The following SLC17A8 variants were observed in gnomAD, a reference collection of about 807,000 sequenced individuals.
SLC17A8 encodes the protein vesicular glutamate transporter 3.
In SLC17A8, 31 loss-of-function variants were observed where a neutral mutation model predicts 58.0. That is an observed-to-expected ratio of 0.53 (90% confidence interval 0.40 to 0.72). The LOEUF (loss-of-function observed/expected upper bound fraction) is 0.72. SLC17A8 is among the 30% of genes least tolerant of loss of function. The pLI is 0.00. For synonymous variants in SLC17A8, 228 were observed against 249.0 expected, an observed-to-expected ratio of 0.92 and a Z score of 0.79; for missense variants, 655 against 727.8, an observed-to-expected ratio of 0.90 and a Z score of 1.15.
At chr12:100,403,084 G>A (rs138098517) in intron 8 of SLC17A8, among the ~76,000 whole-genome samples, 217 of 152,294 alleles carry the variant, frequency 1.4e-3, no homozygotes, top group African/African-American at 5.0e-3. Flanking sequence ...AAGCTACTCA[G>A]TGAGTAGCAG....
Position 100,416,487 on chromosome 12 carries a change from C to A in SLC17A8, c.1298-1542C>A, listed in dbSNP as rs143018984. Among the ~76,000 whole-genome samples, 4 of 151,840 alleles carry A rather than the reference C, an allele frequency of 2.6e-5. No individual in the cohort carries two copies. The East Asian group carries it at 5.8e-4, about 22-fold the overall frequency. ...CCTGAAGGGAAGTAGGAAAGACAAC[C>A]AACCAGTGTGCCAGATTAGAACAAA... On this transcript the variant is annotated intron_variant, in intron 10 of 11. Coordinates refer to ENST00000323346, the MANE Select transcript of SLC17A8 (RefSeq NM_139319.3).
chr12:100,386,590 T>C (rs77671171), intron 2 of SLC17A8, among the ~76,000 whole-genome samples: 7,125 of 152,220 alleles, frequency 0.047, 240 homozygotes, highest in East Asian at 0.1. Context: ...CTCATTTCAC[T>C]GAGTGTAATG....
chr12:100,385,852 A>G (rs1039756297), intron 2 of SLC17A8, among the ~76,000 whole-genome samples: 2 of 152,230 alleles, frequency 1.3e-5, no homozygotes, highest in African/African-American at 4.8e-5. Context: ...GGAAGTCTAA[A>G]TCAAGGTGTT....
chr12:100,371,817 G>A (rs1952560981), intron 1 of SLC17A8, among the ~76,000 whole-genome samples: 1 of 152,138 alleles, frequency 6.6e-6, no homozygotes. Context: ...CCAAATTGTT[G>A]GGATTACAGC....
intron 9 of SLC17A8, among the ~76,000 whole-genome samples, chr12:100,411,613 C>G (rs1952868188): frequency 6.6e-6 from 1 of 152,064 alleles, no homozygotes; most frequent in Non-Finnish European, 1.5e-5. Context: ...AAATGAAGCA[C>G]CACTAATTGT....
At chr12:100,416,537 G>GTTT (rs58618796) in intron 10 of SLC17A8, among the ~76,000 whole-genome samples, 6,419 of 146,504 alleles carry the variant, frequency 0.044, 209 homozygotes, top group African/African-American at 0.092. Context: ...CCTATTTTCA[G>GTTT]TTTTTTTTTT....
intron 2 of SLC17A8, among the ~76,000 whole-genome samples, chr12:100,384,894 A>G (rs1428468122): frequency 6.6e-6 from 1 of 152,116 alleles, no homozygotes. Flanking sequence ...CTTTTCTTGG[A>G]GTCAGCTCCG....
chr12:100,401,760 A>G lies in SLC17A8; in HGVS notation c.677-17A>G, dbSNP rs1343801198. ...CATGATGATTGGTCAGATTCCCTCA[A>G]TCTTTTCTTGTTCCAGGTTCCTATG... On this transcript the variant is annotated splice_polypyrimidine_tract_variant and intron_variant, in intron 5 of 11. Coordinates refer to ENST00000323346, the MANE Select transcript of SLC17A8 (RefSeq NM_139319.3). 3 of 1,604,084 alleles carry G rather than the reference A, an allele frequency of 1.9e-6. No homozygotes were observed. Among genetic ancestry groups the G allele is most frequent in the Admixed American group, 1.7e-5 (1 of 59,938 alleles).
At chr12:100,379,823 G>A (rs1476529114) in intron 1 of SLC17A8, among the ~76,000 whole-genome samples, 1 of 152,098 alleles carries the variant, frequency 6.6e-6, no homozygotes, top group East Asian at 1.9e-4. Context: ...AACCATCTAA[G>A]GAGAAAAGGA....
chr12:100,386,610 T>A (rs569582678), intron 2 of SLC17A8, among the ~76,000 whole-genome samples: 1 of 152,268 alleles, frequency 6.6e-6, no homozygotes, highest in East Asian at 1.9e-4. Context: ...GTCCTCCAGG[T>A]TCATGCCAGT....
intron 5 of SLC17A8, among the ~76,000 whole-genome samples, chr12:100,397,397 A>C (rs1331484847): frequency 6.6e-6 from 1 of 152,202 alleles, no homozygotes. Flanking sequence ...TATCCCAGAT[A>C]ATAAGAAGTA....
chr12:100,396,399 G>C lies in SLC17A8; in HGVS notation c.658G>C (p.Ala220Pro), dbSNP rs11568530. 1.9e-6 allele frequency: 3 copies of C among 1,613,942 alleles called. No individual in the cohort carries two copies. The highest frequency in any genetic ancestry group is 2.5e-6 in the Non-Finnish European group (3 of 1,179,906). The change falls in exon 5 of 12, where the codon GCC becomes CCC. Residue 220 changes from alanine (A) to proline (P), a missense_variant. By Grantham distance (27) the Ala-to-Pro change is conservative. Coordinates refer to ENST00000323346, the MANE Select transcript of SLC17A8 (RefSeq NM_139319.3). ...ACCACCTTTGGAGAGAAGCCGACTG[G>C]CCACAACCTCTTTTTGTGGTGGGTA... Reference protein sequence around the residue: ...WAPPLERSRLATTSFCGSYAG... With the variant: ...WAPPLERSRLPTTSFCGSYAG...
Position 100,405,944 on chromosome 12 carries a change from C to A in SLC17A8, c.1186+1774C>A, listed in dbSNP as rs554764827. ...GGCAGACCACTTGAGCTCAGGAGTTCGAAATCAGTCAGGGCAATAGTGAGA... is the reference window on the plus strand; with the variant it reads ...GGCAGACCACTTGAGCTCAGGAGTTAGAAATCAGTCAGGGCAATAGTGAGA... On this transcript the variant is annotated intron_variant, in intron 9 of 11. Coordinates refer to ENST00000323346, the MANE Select transcript of SLC17A8 (RefSeq NM_139319.3). Among the ~76,000 whole-genome samples, 10 of 151,988 alleles carry A rather than the reference C, an allele frequency of 6.6e-5. No homozygotes were observed. In the South Asian group the frequency reaches 1.9e-3, roughly 28 times the overall value.
At chr12:100,414,588 T>C (rs1952893212) in intron 10 of SLC17A8, among the ~76,000 whole-genome samples, 1 of 152,230 alleles carries the variant, frequency 6.6e-6, no homozygotes, top group South Asian at 2.1e-4. Context: ...CCCGCACTTC[T>C]TGTGGGCTGG....
chr12:100,419,931 T>C lies in SLC17A8; in HGVS notation c.1542T>C (p.Asn514=). Residue 514 remains asparagine (N), a synonymous_variant, in exon 12 of 12, where the codon AAT becomes AAC. Coordinates refer to ENST00000323346, the MANE Select transcript of SLC17A8 (RefSeq NM_139319.3). ...AACAGGAGTGGGCTGACCCAGAGAA[T>C]CTCTCTGAGGAGAAATGTGGAATCA... The part of the protein sequence containing the change: ...GEKQEWADPE[N]LSEEKCGIID... 1 of 1,614,060 alleles carries C rather than the reference T, an allele frequency of 6.2e-7. No homozygotes were observed. The highest frequency in any genetic ancestry group is 8.5e-7 in the Non-Finnish European group (1 of 1,179,970).
chr12:100,385,335 C>T (rs1357443933), intron 2 of SLC17A8, among the ~76,000 whole-genome samples: 1 of 148,082 alleles, frequency 6.8e-6, no homozygotes, highest in Non-Finnish European at 1.5e-5. Context: ...CTCCCCGGTT[C>T]AAGCGATTCT....
chr12:100,375,463 T>A (rs1228775207), intron 1 of SLC17A8, among the ~76,000 whole-genome samples: 1 of 152,156 alleles, frequency 6.6e-6, no homozygotes, highest in Non-Finnish European at 1.5e-5. Flanking sequence ...AGCCAGTCGC[T>A]GTCAGAGGAG....
At chr12:100,377,587 T>A (rs34377336) in intron 1 of SLC17A8, among the ~76,000 whole-genome samples, 2,787 of 43,090 alleles carry the variant, frequency 0.065, 18 homozygotes, top group South Asian at 0.12. Flanking sequence ...ATATATATAT[T>A]TTTTTTTTTT....
rs1172408566 is a variant in SLC17A8, at chr12:100,421,663, T to G, written c.*1504T>G. 1.2e-5 allele frequency: 1 copy of G among 82,884 alleles called. No individual in the cohort carries two copies. Among genetic ancestry groups the G allele is most frequent in the African/African-American group, 2.8e-5 (1 of 35,098 alleles). 5.1% of individuals were successfully genotyped at this position (82,884 alleles called of 1,614,324 possible). A position where few individuals can be genotyped will look rare whatever the true frequency, so the allele number is the denominator to read the frequency against. On this transcript the variant is annotated 3_prime_UTR_variant, in exon 12 of 12. Coordinates refer to ENST00000323346, the MANE Select transcript of SLC17A8 (RefSeq NM_139319.3). ...GTAGCTTATTATTGTAAAGTGTTTTTTTTTTTTTTTTTTTTTTCTAATTTC... is the reference window on the plus strand; with the variant it reads ...GTAGCTTATTATTGTAAAGTGTTTTGTTTTTTTTTTTTTTTTTCTAATTTC...
Sources: allele counts gnomAD v4.1 joint callset (sites outside exome capture counted in the v4.1 genomes callset), GRCh38; gene constraint gnomAD v4.1.1; transcripts MANE v1.5; gene names NCBI Gene and HGNC (gene_info 2026-07-23, HGNC 2026-07-21).